SLC12A1: variants seen among roughly 807,000 people sequenced by gnomAD.
SLC12A1 encodes the protein solute carrier family 12 member 1.
SLC12A1 carries 89 observed loss-of-function variants against 130.4 expected under a neutral mutation model. That is an observed-to-expected ratio of 0.68 (90% CI 0.58 to 0.81). SLC12A1 has a LOEUF of 0.81. Ranked by LOEUF, SLC12A1 falls within the 40% of genes least tolerant of loss-of-function variation. SLC12A1 has a pLI of 0.00. For missense variants in SLC12A1, 1,310 were observed against 1,336.4 expected, an observed-to-expected ratio of 0.98 and a Z score of 0.31; for synonymous variants, 499 against 460.0, an observed-to-expected ratio of 1.08 and a Z score of -1.09.
chr15:48,240,069 ATC>A (rs1567317037), intron 9 of SLC12A1, among the ~76,000 whole-genome samples: 3 of 86,528 alleles, frequency 3.5e-5, no homozygotes, highest in African/African-American at 6.5e-5. Flanking sequence ...ATATATATAT[ATC>A]CATATATATA....
intron 17 of SLC12A1, 85 bp from the exon 18 acceptor site, chr15:48,267,476 G>A: frequency 6.9e-7 from 1 of 1,459,666 alleles, no homozygotes; most frequent in Non-Finnish European, 9.4e-7. Flanking sequence ...ATGGGGCATT[G>A]CTGGCTATTT....
intron 14 of SLC12A1, 109 bp downstream of exon 14, chr15:48,249,785 T>C (rs1369023563): frequency 1.3e-6 from 1 of 795,786 alleles, no homozygotes; most frequent in Non-Finnish European, 2.1e-6. Flanking sequence ...TGTTTCCTTA[T>C]ATCCTAGTGG....
intron 11 of SLC12A1, among the ~76,000 whole-genome samples, chr15:48,245,561 G>T (rs1447095085): frequency 1.3e-5 from 2 of 152,104 alleles, no homozygotes; most frequent in African/African-American, 4.8e-5. Flanking sequence ...TAGGATAATG[G>T]CCTCTAGCTG....
chr15:48,231,737 G>A (rs1294024241), intron 7 of SLC12A1, among the ~76,000 whole-genome samples: 2 of 152,176 alleles, frequency 1.3e-5, no homozygotes, highest in African/African-American at 4.8e-5. Flanking sequence ...ATTTAAATGG[G>A]CCAGGCACGG....
At chr15:48,272,874 A>G (rs970999564) in intron 19 of SLC12A1, among the ~76,000 whole-genome samples, 6 of 152,084 alleles carry the variant, frequency 3.9e-5, no homozygotes, top group Admixed American at 2.0e-4. Flanking sequence ...TTGGGAGGCC[A>G]AGGTGGGCAG....
intron 2 of SLC12A1, among the ~76,000 whole-genome samples, chr15:48,214,281 A>C (rs1347330905): frequency 6.6e-6 from 1 of 152,192 alleles, no homozygotes; most frequent in Non-Finnish European, 1.5e-5. Flanking sequence ...AAAAAAACAA[A>C]AACAAAAACA....
In SLC12A1 at chr15:48,251,711, C is replaced by T; in HGVS notation, c.1883C>T (p.Ala628Val). 4 of 1,613,776 alleles carry T rather than the reference C, an allele frequency of 2.5e-6. No homozygotes were observed. Among genetic ancestry groups the T allele is most frequent in the Non-Finnish European group, 3.4e-6 (4 of 1,179,688 alleles). The change falls in exon 15 of 27, where the codon GCT (alanine) becomes GTT (valine). Residue 628 changes from alanine to valine, a missense_variant. By Grantham distance (64) the Ala-to-Val change is moderately conservative. Transcript: ENST00000380993. ...ATGTTTGTCATCAACTGGTGGGCAGCTGTCATCACCTATGTCATTGAATTC... is the reference window on the plus strand; with the variant it reads ...ATGTTTGTCATCAACTGGTGGGCAGTTGTCATCACCTATGTCATTGAATTC... ...AVMFVINWWA[A>V]VITYVIEFFL...
chr15:48,299,364 T>G, intron 25 of SLC12A1, 89 bp downstream of exon 25: 2 of 1,139,918 alleles, frequency 1.8e-6, no homozygotes, highest in East Asian at 3.0e-5. Flanking sequence ...AGCAATATAT[T>G]TATTATCAAA....
chr15:48,269,662 C>A lies in SLC12A1; in HGVS notation c.2300C>A (p.Ser767Ter). Reference sequence around the variant, plus strand: ...ATTTTTATGTCCTCTGTTTAGGCCTCAGGCTTAGGAAGAATGAAACCAAAC... The same window carrying A: ...ATTTTTATGTCCTCTGTTTAGGCCTAAGGCTTAGGAAGAATGAAACCAAAC... ...RDGVRSLLQA[S>*]GLGRMKPNTL... is the part of the protein sequence containing the mutation. The change falls in exon 19 of 27, where the codon TCA becomes TAA. Residue 767 changes from serine to a stop codon, truncating the protein, a stop_gained. Transcript: ENST00000380993. LOFTEE classifies it high-confidence loss of function. 1 of 1,601,496 alleles carries A rather than the reference C, an allele frequency of 6.2e-7. No homozygotes were observed. The highest frequency in any genetic ancestry group is 8.6e-7 in the Non-Finnish European group (1 of 1,169,530).
At chr15:48,290,871 A>G (rs547227779) in intron 23 of SLC12A1, among the ~76,000 whole-genome samples, 1 of 152,166 alleles carries the variant, frequency 6.6e-6, no homozygotes, top group Non-Finnish European at 1.5e-5. Flanking sequence ...CCAATATTTT[A>G]TTGGGACAAT....
In SLC12A1 at chr15:48,288,618, A is replaced by G. The variant is rs1566857600; in HGVS notation, c.2873+102A>G. 57 of 631,214 alleles carry G rather than the reference A, an allele frequency of 9.0e-5. No homozygotes were observed. In the South Asian group the frequency reaches 1.2e-3, roughly 13 times the overall value. The allele number at this position is 631,214 out of a possible 1,614,324, so 39.1% of individuals were successfully genotyped here. On this transcript the variant is annotated intron_variant, in intron 23 of 26. Transcript: ENST00000380993. ...GTGTCTCTGAGACACAATAGACTCA[A>G]AGACAAAGCCACCAGGATAGGCCTC...
intron 10 of SLC12A1, among the ~76,000 whole-genome samples, chr15:48,242,326 A>G (rs2041526046): frequency 6.6e-6 from 1 of 152,230 alleles, no homozygotes; most frequent in Admixed American, 6.5e-5. Context: ...ACAACAGGGA[A>G]AACAGCTCCA....
intron 14 of SLC12A1, among the ~76,000 whole-genome samples, chr15:48,250,616 A>T (rs1201679683): frequency 6.6e-6 from 1 of 152,028 alleles, no homozygotes; most frequent in Admixed American, 6.6e-5. Context: ...AGAGACAGGA[A>T]AATATAGAAC....
chr15:48,255,270 T>C (rs1440147510), intron 15 of SLC12A1, among the ~76,000 whole-genome samples: 17 of 151,804 alleles, frequency 1.1e-4, no homozygotes, highest in Non-Finnish European at 2.4e-4. Context: ...AAACCCCGTC[T>C]CTACTAAAAA....
At chr15:48,295,211 C>T (rs1327984931) in intron 24 of SLC12A1, among the ~76,000 whole-genome samples, 1 of 152,030 alleles carries the variant, frequency 6.6e-6, no homozygotes, top group African/African-American at 2.4e-5. Flanking sequence ...CACCTGGCCT[C>T]ACCCACTTCT....
At chr15:48,225,863 A>G (rs1597405230) in intron 4 of SLC12A1, 1 of 982,458 alleles carries the variant, frequency 1.0e-6, no homozygotes, top group African/African-American at 1.8e-5. Context: ...TCTTGGTGTG[A>G]TTATCATCGG....
chr15:48,241,503 A>G lies in SLC12A1; in HGVS notation c.1216-12A>G, dbSNP rs1567317894. 2 of 1,595,650 alleles carry G rather than the reference A, an allele frequency of 1.3e-6. No homozygotes were observed. Among genetic ancestry groups the G allele is most frequent in the South Asian group, 2.2e-5 (2 of 90,732 alleles). On this transcript the variant is annotated splice_polypyrimidine_tract_variant and intron_variant, in intron 9 of 26. Coordinates refer to ENST00000380993, the MANE Select transcript of SLC12A1 (RefSeq NM_000338.3). ...CTCTGTATTCTTCTACCTCCACATT[A>G]TTTTTTTAAAGGATCCCCAAGATGC...
At position 48,268,016 on chromosome 15, in the gene SLC12A1, G is replaced by A. The variant is rs531255360; in HGVS notation, c.2295+315G>A. Among the ~76,000 whole-genome samples, 4 of 152,230 alleles carry A rather than the reference G, an allele frequency of 2.6e-5. No homozygotes were observed. The South Asian group carries it at 8.3e-4, about 32-fold the overall frequency. ...GGTTGACGACATTCAGGATCCTATT[G>A]AAACTTCAAACTATTTTTATATCTC... On this transcript the variant is annotated intron_variant, in intron 18 of 26. Transcript: ENST00000380993.
At chr15:48,259,585 C>G (rs1310676993) in intron 17 of SLC12A1, among the ~76,000 whole-genome samples, 1 of 152,066 alleles carries the variant, frequency 6.6e-6, no homozygotes, top group African/African-American at 2.4e-5. Context: ...AAAAAGATAG[C>G]TGGCTCAGAA....
Sources: gnomAD v4.1 joint callset for allele counts (sites outside exome capture counted in the v4.1 genomes callset) on GRCh38, gnomAD v4.1.1 for gene constraint, MANE v1.5 for transcripts, NCBI Gene and HGNC (gene_info 2026-07-23, HGNC 2026-07-21) for gene names.